Variants in TRPC5 observed in about 807,000 individuals in gnomAD.
TRPC5 encodes short transient receptor potential channel 5.
TRPC5 carries 9 observed loss-of-function variants against 56.5 expected under a neutral mutation model. That is an observed-to-expected ratio of 0.16 (90% CI 0.10 to 0.28). The LOEUF (loss-of-function observed/expected upper bound fraction) is 0.28. Among genes scored for constraint, TRPC5 ranks in the 10% least tolerant of loss-of-function variants. TRPC5 has a pLI of 1.00. For missense variants in TRPC5, 469 were observed against 748.9 expected, an observed-to-expected ratio of 0.63 and a Z score of 4.36; for synonymous variants, 282 against 278.5, an observed-to-expected ratio of 1.01 and a Z score of -0.13.
chrX:112,076,902 C>T (rs191884562), intron 1 of TRPC5, among the ~76,000 whole-genome samples: 1 of 111,921 alleles, frequency 8.9e-6, no homozygotes, highest in African/African-American at 3.2e-5. Context: ...CTGTAGAAAA[C>T]CCAGTAAGAT....
chrX:111,991,369 A>G lies in TRPC5; in HGVS notation c.-21-38928T>C, dbSNP rs57175527. 5.0e-3 allele frequency among the ~76,000 whole-genome samples: 564 copies of G among 112,210 alleles called. 2 individuals are homozygous for G. The highest frequency in any genetic ancestry group is 0.017 in the African/African-American group (536 of 30,921). ...ACTCTTATGACTTATTAGCTGAACC[A>G]TACAGATTAATCTCTCATCATTTAG... On this transcript the variant is annotated intron_variant, in intron 1 of 10. Transcript: ENST00000262839.
At chrX:112,009,441 C>T (rs1270483881) in intron 1 of TRPC5, among the ~76,000 whole-genome samples, 1 of 111,529 alleles carries the variant, frequency 9.0e-6, no homozygotes, top group Non-Finnish European at 1.9e-5. Flanking sequence ...CTCTCTTCCT[C>T]ATCTTCACAA....
intron 1 of TRPC5, among the ~76,000 whole-genome samples, chrX:112,076,117 G>T (rs1009408551): frequency 7.1e-5 from 8 of 112,070 alleles, no homozygotes; most frequent in Non-Finnish European, 1.3e-4. Context: ...TTTATTTAGG[G>T]TGATCACAGA....
intron 3 of TRPC5, among the ~76,000 whole-genome samples, chrX:111,901,314 T>G (rs766511033): frequency 6.9e-4 from 77 of 111,349 alleles, no homozygotes; most frequent in African/African-American, 2.4e-3. Flanking sequence ...CTACCTATAC[T>G]CACTTTTCTC....
intron 1 of TRPC5, among the ~76,000 whole-genome samples, chrX:112,038,844 G>A (rs1226359775): frequency 1.0e-5 from 1 of 95,880 alleles, no homozygotes; most frequent in Non-Finnish European, 2.0e-5. Context: ...ACCATGCCCG[G>A]CTATTTTTTT....
intron 7 of TRPC5, among the ~76,000 whole-genome samples, chrX:111,803,834 T>C (rs991447016): frequency 8.9e-6 from 1 of 112,210 alleles, no homozygotes; most frequent in Non-Finnish European, 1.9e-5. Context: ...TCTTTTGCTG[T>C]GCAGAAGCTC....
intron 3 of TRPC5, chrX:111,903,627 G>A (rs1426998955): frequency 3.6e-5 from 4 of 112,111 alleles, no homozygotes; most frequent in African/African-American, 6.5e-5. Flanking sequence ...TGGAGTGAGT[G>A]GCTGATCCTT....
intron 1 of TRPC5, among the ~76,000 whole-genome samples, chrX:111,962,955 T>C (rs776324595): frequency 9.0e-6 from 1 of 111,699 alleles, no homozygotes; most frequent in East Asian, 2.8e-4. Context: ...TTGATCTCAC[T>C]AAGGAGTGCC....
chrX:111,969,575 G>T (rs1265006489), intron 1 of TRPC5, among the ~76,000 whole-genome samples: 1 of 112,141 alleles, frequency 8.9e-6, no homozygotes, highest in Admixed American at 9.5e-5. Flanking sequence ...TTATTGGGTG[G>T]TGGTTAGGAA....
rs923730824 is a variant in TRPC5 at position 111,771,706 on chromosome X, G to A, written c.*4607C>T. Among the ~76,000 whole-genome samples the A allele has an allele frequency of 2.7e-5, 3 of 110,632 alleles. No individual in the cohort carries two copies. The highest frequency in any genetic ancestry group is 5.7e-5 in the Non-Finnish European group (3 of 52,976). ...GTATACAGTAAATCTGAAGTATGCAGACTGACTTTATTTTGCCAAAAATGT... is the reference window on the plus strand; with the variant it reads ...GTATACAGTAAATCTGAAGTATGCAAACTGACTTTATTTTGCCAAAAATGT... On this transcript the variant is annotated 3_prime_UTR_variant, in exon 11 of 11. Transcript: ENST00000262839.
intron 1 of TRPC5, among the ~76,000 whole-genome samples, chrX:112,018,720 G>A (rs1052421139): frequency 2.7e-5 from 3 of 112,399 alleles, no homozygotes; most frequent in South Asian, 3.7e-4. Context: ...GTTTCTGTGC[G>A]TGAGAAGTCT....
chrX:111,914,187 T>C (rs1296317302), intron 2 of TRPC5, among the ~76,000 whole-genome samples: 1 of 111,252 alleles, frequency 9.0e-6, no homozygotes, highest in Admixed American at 9.6e-5. Context: ...TATTGATTTT[T>C]ATTACACTTT....
intron 3 of TRPC5, among the ~76,000 whole-genome samples, chrX:111,878,897 C>A (rs1271543458): frequency 9.0e-6 from 1 of 111,730 alleles, no homozygotes; most frequent in Non-Finnish European, 1.9e-5. Context: ...AATTTTGAGA[C>A]CCTTAAAGGC....
chrX:112,051,502 A>G (rs932796882), intron 1 of TRPC5, among the ~76,000 whole-genome samples: 4 of 111,670 alleles, frequency 3.6e-5, no homozygotes, highest in Admixed American at 9.5e-5. Context: ...GGCAATGTTC[A>G]TCTGTTCAAA....
chrX:111,932,694 A>G (rs752717930), intron 2 of TRPC5, among the ~76,000 whole-genome samples: 1 of 111,557 alleles, frequency 9.0e-6, no homozygotes, highest in Non-Finnish European at 1.9e-5. Context: ...CAGCCATTCA[A>G]TCAATGGCCA....
At chrX:112,067,198 G>A (rs1281984561) in intron 1 of TRPC5, among the ~76,000 whole-genome samples, 2 of 111,802 alleles carry the variant, frequency 1.8e-5, no homozygotes, top group Non-Finnish European at 3.8e-5. Flanking sequence ...AGACTTTGGG[G>A]GGTCCCTGGA....
rs745973541 is a variant in TRPC5, at chrX:112,005,463, T to TAAAAAAAAAA, written c.-21-53032_-21-53023dup. On this transcript the variant is annotated intron_variant, in intron 1 of 10. Coordinates refer to ENST00000262839, the MANE Select transcript of TRPC5 (RefSeq NM_012471.3). Reference sequence around the variant, plus strand: ...GTACCCCTGAAACTGAACCTAAAAGTAAAAAAAAAAAAAAAAAAATATCTT... The same window carrying TAAAAAAAAAA: ...GTACCCCTGAAACTGAACCTAAAAGTAAAAAAAAAAAAAAAAAAAAAAAAAAAAATATCTT... Among the ~76,000 whole-genome samples the TAAAAAAAAAA allele has an allele frequency of 4.1e-4, 27 of 66,369 alleles. 1 individual carries two copies. Among genetic ancestry groups the TAAAAAAAAAA allele is most frequent in the African/African-American group, 1.6e-3 (27 of 16,865 alleles). 57.6% of individuals were successfully genotyped at this position (66,369 alleles called of 115,157 possible). A position where few individuals can be genotyped will look rare whatever the true frequency, so the allele number is the denominator to read the frequency against.
At chrX:111,956,652 C>T (rs1417658608) in intron 1 of TRPC5, among the ~76,000 whole-genome samples, 1 of 111,215 alleles carries the variant, frequency 9.0e-6, no homozygotes, top group African/African-American at 3.3e-5. Context: ...ATTTTGAGAG[C>T]ATTTTGGCTT....
rs3027665 is a variant in TRPC5, at chrX:111,837,054, C to T, written c.1701-1938G>A. On this transcript the variant is annotated intron_variant, in intron 6 of 10. Coordinates refer to ENST00000262839, the MANE Select transcript of TRPC5 (RefSeq NM_012471.3). ...TTTTCAGCATCACGCTGCTAGAGAG[C>T]TAGCCTAAAAGGAATAAATTTGCTT... 2.6e-3 allele frequency among the ~76,000 whole-genome samples: 288 copies of T among 112,504 alleles called. 1 individual carries two copies. The highest frequency in any genetic ancestry group is 9.1e-3 in the African/African-American group (282 of 30,985).
Sources: allele counts gnomAD v4.1 joint callset (sites outside exome capture counted in the v4.1 genomes callset), GRCh38; gene constraint gnomAD v4.1.1; transcripts MANE v1.5; gene names NCBI Gene and HGNC (gene_info 2026-07-23, HGNC 2026-07-21).